The following PEAR1 variants were observed in gnomAD, a reference collection of about 807,000 sequenced individuals.
PEAR1 encodes platelet endothelial aggregation receptor 1, also known as multiple EGF-like domains protein 12.
In PEAR1, 113 loss-of-function variants were observed where a neutral mutation model predicts 131.2. The ratio of observed to expected loss-of-function variants is 0.86; its 90% confidence interval spans 0.74 to 1.01. PEAR1 has a LOEUF of 1.01. Ranked by LOEUF, PEAR1 falls within the 50% of genes least tolerant of loss-of-function variation. PEAR1 has a pLI of 0.00. For missense variants in PEAR1, 1,408 were observed against 1,391.1 expected, an observed-to-expected ratio of 1.01 and a Z score of -0.19; for synonymous variants, 565 against 523.3, an observed-to-expected ratio of 1.08 and a Z score of -1.09.
intron 1 of PEAR1, among the ~76,000 whole-genome samples, chr1:156,897,098 A>G (rs745972352): frequency 2.0e-5 from 3 of 152,196 alleles, no homozygotes; most frequent in Non-Finnish European, 4.4e-5. Flanking sequence ...TTCAGGGTGT[A>G]TCAGTCCATC....
At chr1:156,895,843 G>T (rs942554995) in intron 1 of PEAR1, among the ~76,000 whole-genome samples, 1 of 152,356 alleles carries the variant, frequency 6.6e-6, no homozygotes, top group African/African-American at 2.4e-5. Flanking sequence ...CATTTTGGGA[G>T]GCCAAGGTAT....
Position 156,913,256 on chromosome 1 carries a change from TC to T in PEAR1, c.2489del (p.Pro830GlnfsTer90), listed in dbSNP as rs775015538. ...CAGCTACCACACCCTGTCGCAGTGC[TC>T]CCCAAACCCCCCACCCCCTAACAAG... ...NPSYHTLSQC[S>X]PNPPPPNKVP... On this transcript the variant is annotated frameshift_variant, in exon 19 of 23. Coordinates refer to ENST00000292357, the MANE Select transcript of PEAR1 (RefSeq NM_001080471.3). LOFTEE classifies it high-confidence loss of function. The T allele has an allele frequency of 6.2e-6, 10 of 1,610,832 alleles. No homozygotes were observed. In the East Asian group the frequency reaches 2.0e-4, roughly 32 times the overall value.
Position 156,910,345 on chromosome 1 carries a change from G to T in PEAR1, c.1790G>T (p.Cys597Phe). 1 of 1,609,268 alleles carries T rather than the reference G, an allele frequency of 6.2e-7. No individual in the cohort carries two copies. Among genetic ancestry groups the T allele is most frequent in the Non-Finnish European group, 8.5e-7 (1 of 1,177,642 alleles). Residue 597 changes from cysteine (C) to phenylalanine (F), a missense_variant, in exon 14 of 23, where the codon TGT (cysteine) becomes TTT (phenylalanine). By Grantham distance (205) the Cys-to-Phe change is radical. Coordinates refer to ENST00000292357, the MANE Select transcript of PEAR1 (RefSeq NM_001080471.3). ...TCLPENGNCVCAPGFRGPSCQ... is the reference protein window; with the variant it reads ...TCLPENGNCVFAPGFRGPSCQ... ...CTCCCTGAGAATGGCAACTGCGTGT[G>T]TGCACCCGGATTCCGGGGCCCCTCC...
Position 156,908,890 on chromosome 1 carries a change from C to G in PEAR1, c.1291-26C>G. On this transcript the variant is annotated intron_variant, in intron 10 of 22. Transcript: ENST00000292357. This position sits in a 1 kb window ranked among gnomAD's most constrained non-coding sequence, Gnocchi z 4.2. ...TGGAGAGGCCAAGGAATGGGCCGCC[C>G]CTCTCACCCGCTCACCCTCTTTCAG... 1 of 1,611,012 alleles carries G rather than the reference C, an allele frequency of 6.2e-7. No homozygotes were observed. The highest frequency in any genetic ancestry group is 8.5e-7 in the Non-Finnish European group (1 of 1,179,754).
At chr1:156,900,898 G>C (rs1401308112) in intron 1 of PEAR1, among the ~76,000 whole-genome samples, 1 of 152,096 alleles carries the variant, frequency 6.6e-6, no homozygotes, top group African/African-American at 2.4e-5. Context: ...ATATGCAATG[G>C]GCCCATTGCT....
chr1:156,897,295 A>G (rs1649257471), intron 1 of PEAR1, among the ~76,000 whole-genome samples: 1 of 152,200 alleles, frequency 6.6e-6, no homozygotes, highest in African/African-American at 2.4e-5. Flanking sequence ...AGCCGCGAGG[A>G]AACACCCAGG....
In PEAR1 at chr1:156,910,072, G is replaced by C; in HGVS notation, c.1642G>C (p.Val548Leu). The C allele has an allele frequency of 6.2e-7, 1 of 1,614,166 alleles. No individual in the cohort carries two copies. Among genetic ancestry groups the C allele is most frequent in the South Asian group, 1.1e-5 (1 of 91,084 alleles). ...TGACCACTCTGATGGCTGTGACCCT[G>C]TTCATGGACGCTGTCAGTGCCAGGC... ...DCDHSDGCDP[V>L]HGRCQCQAGW... is the part of the protein sequence containing the mutation. Residue 548 changes from valine (V) to leucine (L), a missense_variant, in exon 13 of 23, where the codon GTT becomes CTT. Transcript: ENST00000292357.
rs1484357229 is a variant in PEAR1 at position 156,910,882 on chromosome 1, A to G, written c.1951+139A>G. The G allele has an allele frequency of 6.4e-6, 8 of 1,254,770 alleles. No individual in the cohort carries two copies. In the East Asian group the frequency reaches 1.7e-4, roughly 27 times the overall value. 77.7% of individuals were successfully genotyped at this position (1,254,770 alleles called of 1,614,324 possible). On this transcript the variant is annotated intron_variant, in intron 15 of 22. Coordinates refer to ENST00000292357, the MANE Select transcript of PEAR1 (RefSeq NM_001080471.3). ...TAAATATTTACTGGGCACCACCTAC[A>G]TGCTGGGTACTGTTCTAGGTGCTAA...
intron 1 of PEAR1, among the ~76,000 whole-genome samples, chr1:156,901,461 A>G (rs1649671553): frequency 6.6e-6 from 1 of 152,152 alleles, no homozygotes; most frequent in African/African-American, 2.4e-5. Flanking sequence ...CTCAACCTAT[A>G]TGGCACTTCC....
At chr1:156,903,839 C>A (rs570283118) in intron 1 of PEAR1, 79 bp from the exon 2 acceptor site, 5 of 1,201,462 alleles carry the variant, frequency 4.2e-6, no homozygotes, top group Non-Finnish European at 6.1e-6. Flanking sequence ...TGCATGCCCA[C>A]GGCTCAGATC....
chr1:156,906,332 T>G lies in PEAR1; in HGVS notation c.364T>G (p.Cys122Gly). Reference sequence around the variant, plus strand: ...TTGTGTGGCACCCAATCAGTGCCAATGTGTGCCAGGCTGGCGGGGCGACGA... The same window carrying G: ...TTGTGTGGCACCCAATCAGTGCCAAGGTGTGCCAGGCTGGCGGGGCGACGA... ...GRCVAPNQCQCVPGWRGDDCS... is the reference protein window; with the variant it reads ...GRCVAPNQCQGVPGWRGDDCS... Residue 122 changes from cysteine (C) to glycine (G), a missense_variant, in exon 5 of 23, where the codon TGT becomes GGT. By Grantham distance (159) the Cys-to-Gly change is radical. Coordinates refer to ENST00000292357, the MANE Select transcript of PEAR1 (RefSeq NM_001080471.3). The G allele has an allele frequency of 6.2e-7, 1 of 1,614,164 alleles. No homozygotes were observed. The highest frequency in any genetic ancestry group is 8.5e-7 in the Non-Finnish European group (1 of 1,180,016).
chr1:156,908,402 A>C lies in PEAR1; in HGVS notation c.1115+62A>C. 2 of 1,442,918 alleles carry C rather than the reference A, an allele frequency of 1.4e-6. No individual in the cohort carries two copies. The highest frequency in any genetic ancestry group is 1.8e-6 in the Non-Finnish European group (2 of 1,092,594). 89.4% of individuals were successfully genotyped at this position (1,442,918 alleles called of 1,614,324 possible). On this transcript the variant is annotated intron_variant, in intron 9 of 22. Coordinates refer to ENST00000292357, the MANE Select transcript of PEAR1 (RefSeq NM_001080471.3). This position sits in a 1 kb window ranked among gnomAD's most constrained non-coding sequence, Gnocchi z 4.2. ...CCAATGGGGAGGTCTTCCTGGCCGA[A>C]GTCACCACAGAGCCAGGGCCATATC...
rs769805133 is a variant in PEAR1, at chr1:156,907,702, G to T, written c.737G>T (p.Gly246Val). Residue 246 changes from glycine to valine, a missense_variant, in exon 7 of 23, where the codon GGC (glycine) becomes GTC (valine). Physicochemically the swap from Gly to Val is moderately radical, Grantham distance 109 (BLOSUM62 -3). Transcript: ENST00000292357. ...QNGGVFQTPQ[G>V]SCSCPPGWMG... is the part of the protein sequence containing the mutation. ...GGAGGTGTCTTCCAAACCCCACAGGGCTCCTGCAGCTGCCCCCCTGGCTGG... is the reference window on the plus strand; with the variant it reads ...GGAGGTGTCTTCCAAACCCCACAGGTCTCCTGCAGCTGCCCCCCTGGCTGG... The T allele has an allele frequency of 1.9e-6, 3 of 1,612,766 alleles. No homozygotes were observed. The East Asian group carries it at 6.7e-5, about 36-fold the overall frequency.
chr1:156,902,744 G>A lies in PEAR1; in HGVS notation c.-9-1174G>A, dbSNP rs181528594. On this transcript the variant is annotated intron_variant, in intron 1 of 22. Transcript: ENST00000292357. The surrounding 1 kb of genome is among the most constrained non-coding windows in gnomAD (Gnocchi z 4.3). Reference sequence around the variant, plus strand: ...GGGAGGCGTAGAGCAGGGAGCCAGAGCAAGTTTTGGGAACACGGAATGCAG... The same window carrying A: ...GGGAGGCGTAGAGCAGGGAGCCAGAACAAGTTTTGGGAACACGGAATGCAG... Among the ~76,000 whole-genome samples, 8 of 152,318 alleles carry A rather than the reference G, an allele frequency of 5.3e-5. No individual in the cohort carries two copies. Among genetic ancestry groups the A allele is most frequent in the African/African-American group, 1.7e-4 (7 of 41,568 alleles).
Position 156,909,917 on chromosome 1 carries a change from G to A in PEAR1, c.1575+3G>A. The A allele has an allele frequency of 6.2e-7, 1 of 1,609,568 alleles. No homozygotes were observed. The highest frequency in any genetic ancestry group is 8.5e-7 in the Non-Finnish European group (1 of 1,177,204). On this transcript the variant is annotated splice_donor_region_variant and intron_variant, in intron 12 of 22. Transcript: ENST00000292357. ...CCCACTGCCAGCTGCCCTGTCCGGT[G>A]AGTGCTGGACAGCCTGTCTGCCTGG...
At chr1:156,909,969 G>A (rs1286036069) in intron 12 of PEAR1, 37 bp from the exon 13 acceptor site, 2 of 1,612,666 alleles carry the variant, frequency 1.2e-6, no homozygotes, top group Non-Finnish European at 1.7e-6. Flanking sequence ...GCGTCCCCCA[G>A]CTGACTGGCC....
intron 15 of PEAR1, among the ~76,000 whole-genome samples, chr1:156,911,509 C>T (rs1651202899): frequency 2.0e-5 from 3 of 152,012 alleles, no homozygotes; most frequent in Admixed American, 1.3e-4. Flanking sequence ...GTCTCGAACT[C>T]CTGACCTCAG....
intron 1 of PEAR1, among the ~76,000 whole-genome samples, chr1:156,895,564 C>T (rs1181323372): frequency 1.3e-5 from 2 of 152,204 alleles, no homozygotes; most frequent in African/African-American, 2.4e-5. Flanking sequence ...GAGAGAGAAA[C>T]ACAAAGACAG....
In PEAR1 at chr1:156,904,012, G is replaced by T; in HGVS notation, c.86G>T (p.Cys29Phe). 6.2e-7 allele frequency: 1 copy of T among 1,613,940 alleles called. No homozygotes were observed. Among genetic ancestry groups the T allele is most frequent in the Non-Finnish European group, 8.5e-7 (1 of 1,179,884 alleles). Residue 29 changes from cysteine to phenylalanine, a missense_variant, in exon 2 of 23, where the codon TGC becomes TTC. Transcript: ENST00000292357. Reference protein sequence around the residue: ...GTLNPSDPNTCSFWESFTTTT... With the variant: ...GTLNPSDPNTFSFWESFTTTT... ...CTCAACCCCAGTGATCCCAATACCT[G>T]CAGCTTCTGGGAAAGGTGAGAGGGC... is the stretch of plus-strand genomic sequence containing the variant.
Sources: allele counts gnomAD v4.1 joint callset (sites outside exome capture counted in the v4.1 genomes callset), GRCh38; gene constraint gnomAD v4.1.1; non-coding constraint Gnocchi (gnomAD v3.1); transcripts MANE v1.5; gene names NCBI Gene and HGNC (gene_info 2026-07-23, HGNC 2026-07-21).